The following SGCE variants were observed in gnomAD, a reference collection of about 807,000 sequenced individuals.
SGCE encodes sarcoglycan epsilon.
In SGCE, 26 loss-of-function variants were observed where a neutral mutation model predicts 57.8. That is an observed-to-expected ratio of 0.45 (90% confidence interval 0.33 to 0.62). The LOEUF is 0.62. Ranked by LOEUF, SGCE falls within the 20% of genes least tolerant of loss-of-function variation. The pLI is 0.02. For missense variants in SGCE, 468 were observed against 548.6 expected (o/e 0.85, Z 1.47); for synonymous variants, 183 against 189.5 (o/e 0.97, Z 0.28).
At chr7:94,586,387 A>G (rs1213011225) in intron 10 of SGCE, 1 of 152,368 alleles carries the variant, frequency 6.6e-6, no homozygotes, top group Admixed American at 6.5e-5. Flanking sequence ...AGAAGAATTT[A>G]GAAATTGAGA....
chr7:94,614,845 AAATACTG>A (rs1212140895), intron 5 of SGCE, among the ~76,000 whole-genome samples: 1 of 152,220 alleles, frequency 6.6e-6, no homozygotes, highest in African/African-American at 2.4e-5. Flanking sequence ...CCCATTAAAA[AAATACTG>A]AATAAACATT....
At chr7:94,603,139 C>T (rs1036236012) in intron 6 of SGCE, 151 bp downstream of exon 6, 12 of 624,340 alleles carry the variant, frequency 1.9e-5, no homozygotes, top group South Asian at 5.8e-5. Flanking sequence ...GCACTGTCAA[C>T]GAGCTTACCA....
At chr7:94,638,164 T>G (rs1311003894) in intron 1 of SGCE, among the ~76,000 whole-genome samples, 6 of 152,162 alleles carry the variant, frequency 3.9e-5, no homozygotes, top group African/African-American at 1.4e-4. Flanking sequence ...ATCTAGTGCT[T>G]TTTAAAACAA....
intron 9 of SGCE, among the ~76,000 whole-genome samples, chr7:94,594,786 C>T (rs1444473552): frequency 6.6e-6 from 1 of 152,096 alleles, no homozygotes; most frequent in Non-Finnish European, 1.5e-5. Context: ...AGAATAAACA[C>T]ATTAGCCAAG....
intron 5 of SGCE, among the ~76,000 whole-genome samples, chr7:94,605,203 C>T (rs563438067): frequency 4.0e-5 from 6 of 151,820 alleles, no homozygotes; most frequent in Non-Finnish European, 7.4e-5. Flanking sequence ...ATTATCAGAC[C>T]AGAAATTTAA....
chr7:94,602,037 G>A (rs1799349754), intron 6 of SGCE, among the ~76,000 whole-genome samples: 1 of 151,972 alleles, frequency 6.6e-6, no homozygotes, highest in South Asian at 2.1e-4. Context: ...AATCTTCAAG[G>A]AGTATATCAT....
rs1796752155 is a variant in SGCE at position 94,585,278 on chromosome 7, TAA to T, written c.*219_*220del. ...AGATCAACTTTTATTGTAACAAATATAAAGTCATCAATGTTTTACAAATTGTC... is the reference window on the plus strand; with the variant it reads ...AGATCAACTTTTATTGTAACAAATATAGTCATCAATGTTTTACAAATTGTC... On this transcript the variant is annotated 3_prime_UTR_variant, in exon 11 of 11. Transcript: ENST00000648936. The T allele has an allele frequency of 2.1e-6, 1 of 486,428 alleles. No homozygotes were observed. The highest frequency in any genetic ancestry group is 3.4e-5 in the Admixed American group (1 of 29,426). 30.1% of individuals were successfully genotyped at this position (486,428 alleles called of 1,614,324 possible).
At chr7:94,646,089 T>C (rs920321008) in intron 1 of SGCE, among the ~76,000 whole-genome samples, 3 of 152,188 alleles carry the variant, frequency 2.0e-5, no homozygotes, top group African/African-American at 7.2e-5. Flanking sequence ...ACTAAAAAGA[T>C]GGCATCTCAG....
At position 94,629,889 on chromosome 7, in the gene SGCE, T is replaced by C. The variant is rs376450240; in HGVS notation, c.110-48A>G. ...AGTGACAGAAAGACAAATAATGAGATACGCCCTTGATAATTCAGCTTACGC... is the reference window on the plus strand; with the variant it reads ...AGTGACAGAAAGACAAATAATGAGACACGCCCTTGATAATTCAGCTTACGC... On this transcript the variant is annotated intron_variant, in intron 1 of 10. Coordinates refer to ENST00000648936, the MANE Select transcript of SGCE (RefSeq NM_003919.3). The C allele has an allele frequency of 5.1e-5, 81 of 1,595,336 alleles. No individual in the cohort carries two copies. In the African/African-American group the frequency reaches 1.0e-3, roughly 21 times the overall value.
At chr7:94,603,761 C>T (rs2116728428) in intron 5 of SGCE, among the ~76,000 whole-genome samples, 1 of 152,002 alleles carries the variant, frequency 6.6e-6, no homozygotes, top group African/African-American at 2.4e-5. Flanking sequence ...ATTCTGATTA[C>T]TATATTTAGT....
At chr7:94,644,687 C>T (rs2117064312) in intron 1 of SGCE, 1 of 1,259,172 alleles carries the variant, frequency 7.9e-7, no homozygotes, top group Non-Finnish European at 1.0e-6. Context: ...GGATGAAAGA[C>T]TTTGTTTTCA....
rs1562832897 is a variant in SGCE, at chr7:94,614,106, T to TAAAAAAAAAAAAAAAAAAA, written c.662+4651_662+4652insTTTTTTTTTTTTTTTTTTT. Among the ~76,000 whole-genome samples the TAAAAAAAAAAAAAAAAAAA allele has an allele frequency of 1.1e-4, 6 of 55,172 alleles. 2 individuals carry two copies. Among genetic ancestry groups the TAAAAAAAAAAAAAAAAAAA allele is most frequent in the Non-Finnish European group, 1.7e-4 (5 of 29,104 alleles). 36.2% of individuals were successfully genotyped at this position (55,172 alleles called of 152,430 possible). A position where few individuals can be genotyped will look rare whatever the true frequency, so the allele number is the denominator to read the frequency against. ...TAATTTTCTTGTACCCAAATTGAAATCAAAAAAAAAAAAAAAAAAAAAAAC... is the reference window on the plus strand; with the variant it reads ...TAATTTTCTTGTACCCAAATTGAAATAAAAAAAAAAAAAAAAAAACAAAAAAAAAAAAAAAAAAAAAAAC... On this transcript the variant is annotated intron_variant, in intron 5 of 10. Coordinates refer to ENST00000648936, the MANE Select transcript of SGCE (RefSeq NM_003919.3).
intron 4 of SGCE, chr7:94,619,628 C>T (rs1802471044): frequency 1.3e-5 from 2 of 152,168 alleles, no homozygotes; most frequent in South Asian, 2.1e-4. Flanking sequence ...TAATTGTTCT[C>T]TTACGATAAA....
At chr7:94,589,069 A>G (rs1411105599) in intron 9 of SGCE, 2 of 350,076 alleles carry the variant, frequency 5.7e-6, no homozygotes, top group Non-Finnish European at 1.1e-5. Flanking sequence ...AGGACATGGT[A>G]GGTAAAGATG....
At chr7:94,645,317 C>G (rs1806908097) in intron 1 of SGCE, among the ~76,000 whole-genome samples, 1 of 152,034 alleles carries the variant, frequency 6.6e-6, no homozygotes, top group Non-Finnish European at 1.5e-5. Flanking sequence ...TTCCCATCAC[C>G]ATTACTATGC....
intron 9 of SGCE, chr7:94,590,973 A>ATCAG (rs1180803284): frequency 3.9e-5 from 6 of 152,164 alleles, no homozygotes; most frequent in Non-Finnish European, 2.9e-5. Context: ...GTTCCACTTT[A>ATCAG]AAGATATTAC....
intron 10 of SGCE, chr7:94,587,036 A>C (rs1797001236): frequency 1.4e-5 from 14 of 984,674 alleles, no homozygotes; most frequent in Non-Finnish European, 1.7e-5. Context: ...GTGTTAACTA[A>C]AAAGGAGAGC....
chr7:94,638,326 T>G (rs1805877586), intron 1 of SGCE, among the ~76,000 whole-genome samples: 1 of 152,166 alleles, frequency 6.6e-6, no homozygotes, highest in Non-Finnish European at 1.5e-5. Context: ...CTTTGTCCCA[T>G]TGTGAAAGAG....
At chr7:94,619,756 TCAC>T (rs1292270878) in intron 4 of SGCE, 1 of 152,216 alleles carries the variant, frequency 6.6e-6, no homozygotes, top group Non-Finnish European at 1.5e-5. Context: ...CATTTAATTC[TCAC>T]AACAAGAGGG....
Sources: allele counts gnomAD v4.1 joint callset (sites outside exome capture counted in the v4.1 genomes callset), GRCh38; gene constraint gnomAD v4.1.1; transcripts MANE v1.5; gene names NCBI Gene and HGNC (gene_info 2026-07-23, HGNC 2026-07-21).